The following NT5E variants were observed in gnomAD, a reference collection of about 807,000 sequenced individuals.
NT5E encodes the protein 5'-nucleotidase ecto.
NT5E carries 53 observed loss-of-function variants against 55.1 expected under a neutral mutation model. The ratio of observed to expected loss-of-function variants is 0.96; its 90% CI spans 0.77 to 1.21. The LOEUF is 1.21. Ranked by LOEUF, NT5E falls within the 50% of genes most tolerant of loss-of-function variation. NT5E has a pLI of 0.00. For synonymous variants in NT5E, 270 were observed against 278.4 expected (o/e 0.97, Z 0.30); for missense variants, 683 against 724.3 (o/e 0.94, Z 0.65).
intron 1 of NT5E, among the ~76,000 whole-genome samples, chr6:85,453,951 A>T (rs1217880822): frequency 1.3e-5 from 2 of 152,210 alleles, no homozygotes; most frequent in Non-Finnish European, 2.9e-5. Flanking sequence ...TTATAATGGC[A>T]TACCCAGTCC....
Position 85,489,576 on chromosome 6 carries a change from C to A in NT5E, c.1187C>A (p.Ser396Ter). 6.2e-7 allele frequency: 1 copy of A among 1,613,522 alleles called. No homozygotes were observed. The highest frequency in any genetic ancestry group is 1.1e-5 in the South Asian group (1 of 90,986). Reference sequence around the variant, plus strand: ...ATTTTAAATGGAGGTGGTATCCGGTCGCCCATTGATGAACGCAACAATGGT... The same window carrying A: ...ATTTTAAATGGAGGTGGTATCCGGTAGCCCATTGATGAACGCAACAATGGT... ...MCILNGGGIR[S>*]PIDERNNGTI... Residue 396 changes from serine (S) to a stop codon, truncating the protein, a stop_gained, in exon 6 of 9, where the codon TCG (serine) becomes TAG (stop). Transcript: ENST00000257770. LOFTEE classifies it high-confidence loss of function.
At chr6:85,465,837 T>C (rs1769182493) in intron 1 of NT5E, among the ~76,000 whole-genome samples, 1 of 151,946 alleles carries the variant, frequency 6.6e-6, no homozygotes. Context: ...CATTACAGAG[T>C]ATGGAATGAG....
intron 5 of NT5E, among the ~76,000 whole-genome samples, chr6:85,488,739 CCCAGCTAATTT>C (rs1769720189): frequency 6.6e-6 from 1 of 152,082 alleles, no homozygotes; most frequent in South Asian, 2.1e-4. Flanking sequence ...CACTACCACA[CCCAGCTAATTT>C]TTGTATCTTT....
At position 85,487,072 on chromosome 6, in the gene NT5E, G is replaced by A. The variant is rs1769684097; in HGVS notation, c.950-263G>A. Among the ~76,000 whole-genome samples, 3 of 152,122 alleles carry A rather than the reference G, an allele frequency of 2.0e-5. No homozygotes were observed. In the South Asian group the frequency reaches 6.2e-4, roughly 31 times the overall value. ...ACCGCCACCACTAATGCTGTCCCAG[G>A]TGGGCCAATGGGTAGCTCATACAGA... On this transcript the variant is annotated intron_variant, in intron 4 of 8. Transcript: ENST00000257770.
chr6:85,458,630 T>C (rs1334648061), intron 1 of NT5E, among the ~76,000 whole-genome samples: 2 of 152,244 alleles, frequency 1.3e-5, no homozygotes, highest in African/African-American at 2.4e-5. Context: ...AATCGGAATT[T>C]GAACATTCTT....
chr6:85,467,360 G>A, intron 2 of NT5E, 78 bp downstream of exon 2: 1 of 1,162,952 alleles, frequency 8.6e-7, no homozygotes, highest in Non-Finnish European at 1.3e-6. Context: ...TTTATGGACT[G>A]TAGATAAAAG....
chr6:85,488,068 TTG>T (rs1769703028), intron 5 of NT5E, among the ~76,000 whole-genome samples: 1 of 152,220 alleles, frequency 6.6e-6, no homozygotes, highest in Non-Finnish European at 1.5e-5. Flanking sequence ...AACCCTGGCC[TTG>T]TGTGACAGGA....
At chr6:85,471,581 C>A in intron 3 of NT5E, 156 bp downstream of exon 3, 1 of 380,598 alleles carries the variant, frequency 2.6e-6, no homozygotes, top group Non-Finnish European at 4.6e-6. Context: ...TAAATGGGAA[C>A]ATGTGCAAAT....
At chr6:85,451,320 C>T (rs1050983498) in intron 1 of NT5E, among the ~76,000 whole-genome samples, 6 of 152,070 alleles carry the variant, frequency 3.9e-5, no homozygotes, top group East Asian at 1.9e-4. Context: ...GTAGGTTTGG[C>T]GGCAGAGATT....
chr6:85,490,702 G>T (rs1159526198), intron 7 of NT5E, 45 bp downstream of exon 7: 1 of 1,608,864 alleles, frequency 6.2e-7, no homozygotes, highest in Admixed American at 1.7e-5. Flanking sequence ...AAGTGACATG[G>T]CATTTCCTGC....
At chr6:85,484,281 T>C (rs369061487) in intron 3 of NT5E, among the ~76,000 whole-genome samples, 4 of 152,178 alleles carry the variant, frequency 2.6e-5, no homozygotes, top group African/African-American at 9.7e-5. Flanking sequence ...AACTGTGCCA[T>C]TGTCTCCTTG....
intron 3 of NT5E, among the ~76,000 whole-genome samples, chr6:85,479,603 C>T (rs746860366): frequency 6.6e-6 from 1 of 152,186 alleles, no homozygotes; most frequent in Non-Finnish European, 1.5e-5. Flanking sequence ...TGTAGGAAGA[C>T]CTCTGGCCAA....
At chr6:85,484,463 G>A (rs1562143943) in intron 3 of NT5E, among the ~76,000 whole-genome samples, 1 of 152,168 alleles carries the variant, frequency 6.6e-6, no homozygotes, top group African/African-American at 2.4e-5. Flanking sequence ...TCTGGGTGAT[G>A]AGCAGCTCCC....
intron 1 of NT5E, among the ~76,000 whole-genome samples, chr6:85,459,899 C>G (rs1344677652): frequency 1.3e-5 from 2 of 152,246 alleles, no homozygotes. Context: ...TATTCTGAAT[C>G]CAAGTTTCTT....
At chr6:85,460,375 C>A (rs148089577) in intron 1 of NT5E, among the ~76,000 whole-genome samples, 1 of 152,136 alleles carries the variant, frequency 6.6e-6, no homozygotes, top group Non-Finnish European at 1.5e-5. Context: ...AGATGGCGCT[C>A]AAGATAAAAT....
intron 3 of NT5E, among the ~76,000 whole-genome samples, chr6:85,475,670 C>A (rs892907392): frequency 1.3e-5 from 2 of 152,206 alleles, no homozygotes; most frequent in Non-Finnish European, 2.9e-5. Flanking sequence ...GGACTCTATT[C>A]TCTGTGCTGT....
intron 3 of NT5E, among the ~76,000 whole-genome samples, chr6:85,475,786 A>G (rs1322091691): frequency 6.6e-6 from 1 of 152,202 alleles, no homozygotes; most frequent in Non-Finnish European, 1.5e-5. Flanking sequence ...TTGGGTGAAT[A>G]TAAGCACCAG....
At chr6:85,486,263 G>A (rs1769657254) in intron 4 of NT5E, among the ~76,000 whole-genome samples, 2 of 152,168 alleles carry the variant, frequency 1.3e-5, no homozygotes, top group African/African-American at 4.8e-5. Flanking sequence ...CAGAGCCTTA[G>A]AACAGAAACA....
intron 3 of NT5E, among the ~76,000 whole-genome samples, chr6:85,478,773 T>C (rs1769485831): frequency 6.6e-6 from 1 of 151,460 alleles, no homozygotes; most frequent in South Asian, 2.1e-4. Context: ...AACTGACATA[T>C]TTATCTTAGA....
Sources: gnomAD v4.1 joint callset for allele counts (sites outside exome capture counted in the v4.1 genomes callset) on GRCh38, gnomAD v4.1.1 for gene constraint, MANE v1.5 for transcripts, NCBI Gene and HGNC (gene_info 2026-07-23, HGNC 2026-07-21) for gene names.